CSGALNACT1: variants seen among roughly 807,000 people sequenced by gnomAD.
CSGALNACT1 encodes chondroitin sulfate N-acetylgalactosaminyltransferase 1.
A neutral mutation model predicts 51.0 loss-of-function variants in CSGALNACT1; 52 were observed. The observed-to-expected ratio is 1.02, with a 90% CI of 0.82 to 1.29. The LOEUF is 1.29. Among genes scored for constraint, CSGALNACT1 ranks in the 50% most tolerant of loss-of-function variants. The pLI, the probability that CSGALNACT1 is intolerant of heterozygous loss-of-function variation, is 0.00. For synonymous variants in CSGALNACT1, 341 were observed against 254.4 expected (o/e 1.34, Z -3.24); for missense variants, 935 against 679.2 (o/e 1.38, Z -4.19).
intron 2 of CSGALNACT1, among the ~76,000 whole-genome samples, chr8:19,599,980 C>T (rs896472040): frequency 6.6e-6 from 1 of 152,196 alleles, no homozygotes; most frequent in Non-Finnish European, 1.5e-5. Context: ...AGCATTAGGC[C>T]ATAAGTTGTG....
chr8:19,569,446 C>G (rs998839461), intron 3 of CSGALNACT1, among the ~76,000 whole-genome samples: 1 of 152,018 alleles, frequency 6.6e-6, no homozygotes, highest in African/African-American at 2.4e-5. Context: ...GCTTTTTGAA[C>G]CCAGTACTGA....
intron 3 of CSGALNACT1, among the ~76,000 whole-genome samples, chr8:19,566,707 G>C (rs1044184124): frequency 1.3e-5 from 2 of 152,276 alleles, no homozygotes; most frequent in South Asian, 2.1e-4. Flanking sequence ...CCCCTTGCTT[G>C]ATGTCTCTGT....
At chr8:19,521,122 T>C (rs991498600) in intron 3 of CSGALNACT1, among the ~76,000 whole-genome samples, 1 of 152,106 alleles carries the variant, frequency 6.6e-6, no homozygotes, top group Non-Finnish European at 1.5e-5. Flanking sequence ...AAATTGAAAC[T>C]GATAGGATGA....
chr8:19,542,510 C>T (rs539759740), intron 3 of CSGALNACT1, among the ~76,000 whole-genome samples: 4 of 152,274 alleles, frequency 2.6e-5, no homozygotes, highest in Non-Finnish European at 5.9e-5. Flanking sequence ...CAAGCGCCTG[C>T]TGCCCCGACT....
At chr8:19,692,426 T>C (rs1223448050) in intron 1 of CSGALNACT1, among the ~76,000 whole-genome samples, 2 of 152,210 alleles carry the variant, frequency 1.3e-5, no homozygotes, top group Non-Finnish European at 2.9e-5. Flanking sequence ...GCAATGAAGA[T>C]AACACAATGT....
intron 3 of CSGALNACT1, among the ~76,000 whole-genome samples, chr8:19,542,916 G>A (rs2085562532): frequency 6.6e-6 from 1 of 152,032 alleles, no homozygotes; most frequent in Non-Finnish European, 1.5e-5. Context: ...AAATTCATTT[G>A]GGTTTTCCTA....
intron 3 of CSGALNACT1, among the ~76,000 whole-genome samples, chr8:19,537,277 C>T (rs952518338): frequency 6.6e-6 from 1 of 152,150 alleles, no homozygotes. Context: ...ACCAGTTCCA[C>T]AATTCATCCC....
At chr8:19,721,892 T>C (rs139208759) in intron 1 of CSGALNACT1, among the ~76,000 whole-genome samples, 3 of 152,294 alleles carry the variant, frequency 2.0e-5, no homozygotes, top group East Asian at 1.9e-4. Context: ...AAAAATTAAT[T>C]GCTAAAAAAA....
At chr8:19,713,907 G>A (rs924112705) in intron 1 of CSGALNACT1, among the ~76,000 whole-genome samples, 26 of 152,208 alleles carry the variant, frequency 1.7e-4, no homozygotes, top group Admixed American at 6.5e-5. Flanking sequence ...GCCAAGCTGT[G>A]GTGAAAGGAA....
intron 1 of CSGALNACT1, among the ~76,000 whole-genome samples, chr8:19,667,011 G>GAAAGGAAAGAAAGAAAGAAAGAAAGA (rs2059377858): frequency 3.0e-5 from 1 of 32,908 alleles, no homozygotes; most frequent in African/African-American, 2.1e-4. Context: ...AAGAAAGAAA[G>GAAAGGAAAGAAAGAAAGAAAGAAAGA]AAAGAAAGGA....
chr8:19,461,058 C>A (rs931535844), intron 4 of CSGALNACT1, among the ~76,000 whole-genome samples: 3 of 152,170 alleles, frequency 2.0e-5, no homozygotes, highest in Non-Finnish European at 4.4e-5. Flanking sequence ...GGACTAAGTT[C>A]CCTTTGGAAG....
At chr8:19,478,555 GGAGTAT>G (rs749578511) in intron 4 of CSGALNACT1, among the ~76,000 whole-genome samples, 22 of 152,140 alleles carry the variant, frequency 1.4e-4, no homozygotes, top group Non-Finnish European at 7.3e-5. Flanking sequence ...ATCACTTGAG[GGAGTAT>G]GATTTCAATG....
At chr8:19,706,379 G>A (rs568356010) in intron 1 of CSGALNACT1, among the ~76,000 whole-genome samples, 1 of 152,306 alleles carries the variant, frequency 6.6e-6, no homozygotes, top group African/African-American at 2.4e-5. Flanking sequence ...CTTCCTAAAA[G>A]GAAAACTGCG....
intron 1 of CSGALNACT1, among the ~76,000 whole-genome samples, chr8:19,713,088 A>G (rs1432574474): frequency 2.0e-5 from 3 of 152,118 alleles, no homozygotes; most frequent in Non-Finnish European, 4.4e-5. Context: ...ATTACTCTCC[A>G]TCCCCATTTC....
rs368745180 is a variant in CSGALNACT1, at chr8:19,747,268, A to AT, written c.-297+10581_-297+10582insA. Among the ~76,000 whole-genome samples the AT allele has an allele frequency of 1.1e-3, 173 of 152,100 alleles. 1 individual carries two copies. Among genetic ancestry groups the AT allele is most frequent in the African/African-American group, 4.0e-3 (165 of 41,514 alleles). On this transcript the variant is annotated intron_variant, in intron 1 of 1. Coordinates refer to the CSGALNACT1 transcript ENST00000517494. ...GAGTAGGAGAGAAAGCAAAAAAAAA[A>AT]GCCGGTATTTCCAACTTCATTTTCC...
At chr8:19,532,964 T>G (rs1225096416) in intron 3 of CSGALNACT1, among the ~76,000 whole-genome samples, 2 of 152,184 alleles carry the variant, frequency 1.3e-5, no homozygotes, top group Non-Finnish European at 2.9e-5. Context: ...TCTAAAATAG[T>G]CCTCTCTTCT....
At chr8:19,492,581 C>T (rs892711769) in intron 4 of CSGALNACT1, among the ~76,000 whole-genome samples, 33 of 152,160 alleles carry the variant, frequency 2.2e-4, no homozygotes, top group African/African-American at 7.5e-4. Context: ...GTGTCATGTC[C>T]GATGCCCCAG....
intron 1 of CSGALNACT1, among the ~76,000 whole-genome samples, chr8:19,724,925 A>G (rs1412430086): frequency 6.6e-6 from 1 of 152,130 alleles, no homozygotes; most frequent in Non-Finnish European, 1.5e-5. Flanking sequence ...ATGACTATCC[A>G]CCATCCCACG....
At chr8:19,404,365 A>T (rs1035653759) in exon 10 of CSGALNACT1, 1 of 453,892 alleles carries the variant, frequency 2.2e-6, no homozygotes, top group Non-Finnish European at 4.4e-6. Flanking sequence ...TAATTAGCTC[A>T]TGCATCTGGT....
Sources: allele counts gnomAD v4.1 joint callset (sites outside exome capture counted in the v4.1 genomes callset), GRCh38; gene constraint gnomAD v4.1.1; transcripts MANE v1.5; gene names NCBI Gene and HGNC (gene_info 2026-07-23, HGNC 2026-07-21).